The following DCAF8L2 variants were observed in gnomAD, a reference collection of about 807,000 sequenced individuals.
DCAF8L2 encodes DDB1- and CUL4-associated factor 8-like protein 2.
For missense variants in DCAF8L2, 430 were observed against 490.7 expected (o/e 0.88, Z 1.17); for synonymous variants, 200 against 190.9 (o/e 1.05, Z -0.39).
At chrX:27,490,027 C>A in the DCAF8L2 span, among the ~76,000 whole-genome samples, 1 of 111,356 alleles carries the variant, frequency 9.0e-6, no homozygotes, top group Non-Finnish European at 1.9e-5. Flanking sequence ...CAGGTGTGCA[C>A]CACCACACCC....
intron 4 of DCAF8L2, among the ~76,000 whole-genome samples, chrX:27,727,802 T>C (rs1030055174): frequency 8.9e-6 from 1 of 111,884 alleles, no homozygotes; most frequent in African/African-American, 3.2e-5. Flanking sequence ...TAAATTCATT[T>C]ACTTTTGTAT....
intron 3 of DCAF8L2, among the ~76,000 whole-genome samples, chrX:27,707,807 A>G (rs191055179): frequency 9.0e-6 from 1 of 111,267 alleles, no homozygotes; most frequent in Admixed American, 9.6e-5. Flanking sequence ...AAATAAAACT[A>G]TAGATACATT....
the DCAF8L2 span, among the ~76,000 whole-genome samples, chrX:27,538,043 G>T: frequency 9.0e-6 from 1 of 111,100 alleles, no homozygotes; most frequent in African/African-American, 3.3e-5. Flanking sequence ...TGTGATTAGG[G>T]TCTACAAAAA....
At chrX:27,517,139 T>G in the DCAF8L2 span, among the ~76,000 whole-genome samples, 1 of 111,688 alleles carries the variant, frequency 9.0e-6, no homozygotes, top group Admixed American at 9.6e-5. Flanking sequence ...GTAATTAAAT[T>G]TGGATTAAAA....
chrX:27,748,639 T>C lies in DCAF8L2; in HGVS notation c.1744T>C (p.Phe582Leu). 5 of 1,200,503 alleles carry C rather than the reference T, an allele frequency of 4.2e-6. No individual in the cohort carries two copies. In the South Asian group the frequency reaches 7.2e-5, roughly 17 times the overall value. Residue 582 changes from phenylalanine to leucine, a missense_variant, in exon 5 of 5, where the codon TTC becomes CTC. Transcript: ENST00000451261. Reference protein sequence around the residue: ...GSLFDQYMLWFLLRHVTQRGR... With the variant: ...GSLFDQYMLWLLLRHVTQRGR... The stretch of plus-strand genomic sequence containing the variant: ...CCTGTTTGACCAGTACATGCTTTGG[T>C]TCCTCCTGCGTCACGTGACGCAGAG...
At chrX:27,680,999 G>C (rs1930306486) in intron 3 of DCAF8L2, among the ~76,000 whole-genome samples, 1 of 111,609 alleles carries the variant, frequency 9.0e-6, no homozygotes, top group Non-Finnish European at 1.9e-5. Context: ...GATAATGCTA[G>C]AGAAAAATCA....
intron 2 of DCAF8L2, among the ~76,000 whole-genome samples, chrX:27,649,583 T>G (rs774231750): frequency 8.9e-6 from 1 of 112,238 alleles, no homozygotes. Flanking sequence ...TTTTTTCATA[T>G]GCTTGTTGGC....
intron 1 of DCAF8L2, among the ~76,000 whole-genome samples, chrX:27,628,605 CTT>C (rs35579870): frequency 3.0e-4 from 27 of 90,616 alleles, no homozygotes; most frequent in African/African-American, 3.3e-4. Flanking sequence ...TGGCTCTTGT[CTT>C]TTTTTTTTTT....
At chrX:27,670,505 C>A (rs747916914) in intron 2 of DCAF8L2, among the ~76,000 whole-genome samples, 3 of 111,453 alleles carry the variant, frequency 2.7e-5, no homozygotes, top group Non-Finnish European at 3.8e-5. Context: ...GAGCTTACAT[C>A]CTTTTAGTGT....
chrX:27,729,180 C>T (rs1481324816), intron 4 of DCAF8L2, among the ~76,000 whole-genome samples: 1 of 111,332 alleles, frequency 9.0e-6, no homozygotes, highest in Non-Finnish European at 1.9e-5. Flanking sequence ...TTTAGCAAGA[C>T]GAAAGTGGGG....
At chrX:27,589,016 T>G (rs1925970913), upstream of DCAF8L2, among the ~76,000 whole-genome samples, 2 of 111,931 alleles carry the variant, frequency 1.8e-5, no homozygotes, top group Non-Finnish European at 3.8e-5. Context: ...CCAGATTACT[T>G]GTAAGCATTG....
the DCAF8L2 span, among the ~76,000 whole-genome samples, chrX:27,572,031 T>A: frequency 8.9e-6 from 1 of 112,444 alleles, no homozygotes. Context: ...TTGTAAGAGA[T>A]AATAAATTGT....
chrX:27,673,199 C>G (rs1211423848), intron 2 of DCAF8L2, among the ~76,000 whole-genome samples: 1 of 110,556 alleles, frequency 9.0e-6, no homozygotes, highest in East Asian at 2.8e-4. Flanking sequence ...ATCCAAATAT[C>G]AACCCGAATT....
At chrX:27,601,713 A>C (rs28654445) in intron 1 of DCAF8L2, among the ~76,000 whole-genome samples, 2,055 of 110,235 alleles carry the variant, frequency 0.019, 46 homozygotes, top group African/African-American at 0.063. Flanking sequence ...AAAAAAAAAA[A>C]ACAATTTGAG....
chrX:27,562,754 G>A, the DCAF8L2 span, among the ~76,000 whole-genome samples: 10 of 111,890 alleles, frequency 8.9e-5, no homozygotes. Context: ...GCCACCAGAT[G>A]TGGGCTGCCC....
At chrX:27,704,173 T>TATATATATATATATATATATATATACAC (rs757835089) in intron 3 of DCAF8L2, among the ~76,000 whole-genome samples, 1 of 44,286 alleles carries the variant, frequency 2.3e-5, no homozygotes, top group Admixed American at 1.9e-4. Context: ...TATATATATA[T>TATATATATATATATATATATATATACAC]ACATATACAC....
At chrX:27,610,675 A>G (rs1927117254) in intron 1 of DCAF8L2, among the ~76,000 whole-genome samples, 3 of 111,951 alleles carry the variant, frequency 2.7e-5, no homozygotes, top group Admixed American at 1.9e-4. Context: ...GTACATCAAA[A>G]GCACTAACGC....
chrX:27,611,158 A>G (rs753000569), intron 1 of DCAF8L2, among the ~76,000 whole-genome samples: 2 of 111,313 alleles, frequency 1.8e-5, no homozygotes, highest in South Asian at 7.6e-4. Context: ...CACAACGGAG[A>G]CAATAGTACC....
the DCAF8L2 span, among the ~76,000 whole-genome samples, chrX:27,550,667 C>T: frequency 2.1e-5 from 2 of 93,440 alleles, no homozygotes; most frequent in Admixed American, 1.0e-4. Context: ...ATTGACCAAC[C>T]TCTCTCCATC....
Sources: allele counts gnomAD v4.1 joint callset (sites outside exome capture counted in the v4.1 genomes callset), GRCh38; gene constraint gnomAD v4.1.1; transcripts MANE v1.5; gene names NCBI Gene and HGNC (gene_info 2026-07-23, HGNC 2026-07-21).